DLGAP1: variants seen among roughly 807,000 people sequenced by gnomAD.
DLGAP1 encodes disks large-associated protein 1.
Under a neutral mutation model 90.8 loss-of-function variants are expected in DLGAP1, and 11 were observed. That is an observed-to-expected ratio of 0.12 (90% CI 0.08 to 0.20). The LOEUF is 0.20. DLGAP1 is among the 10% of genes least tolerant of loss of function. The pLI is 1.00. For synonymous variants in DLGAP1, 558 were observed against 540.7 expected (o/e 1.03, Z -0.44); for missense variants, 1,050 against 1,333.8 (o/e 0.79, Z 3.31).
intron 1 of DLGAP1, among the ~76,000 whole-genome samples, chr18:4,415,472 A>G (rs189163136): frequency 1.3e-5 from 2 of 152,312 alleles, no homozygotes; most frequent in African/African-American, 2.4e-5. Flanking sequence ...CTTGCATGCA[A>G]TGAATCAGGT....
At chr18:4,018,714 CAAAT>C (rs2074560905) in intron 2 of DLGAP1, among the ~76,000 whole-genome samples, 2 of 152,150 alleles carry the variant, frequency 1.3e-5, no homozygotes. Flanking sequence ...AGGCTGAAGA[CAAAT>C]ACAGAATTAT....
intron 1 of DLGAP1, among the ~76,000 whole-genome samples, chr18:4,174,610 G>A (rs1408228148): frequency 6.6e-6 from 1 of 152,128 alleles, no homozygotes; most frequent in East Asian, 1.9e-4. Flanking sequence ...TGGGATTACA[G>A]GCATGAGCCA....
chr18:4,268,091 T>C (rs1038018789), intron 1 of DLGAP1, among the ~76,000 whole-genome samples: 6 of 152,302 alleles, frequency 3.9e-5, no homozygotes, highest in Middle Eastern at 6.8e-3. Context: ...TTTGTTCAGT[T>C]TCTGACAGGA....
At chr18:4,192,125 T>C (rs1293795190) in intron 1 of DLGAP1, among the ~76,000 whole-genome samples, 1 of 152,102 alleles carries the variant, frequency 6.6e-6, no homozygotes, top group Non-Finnish European at 1.5e-5. Context: ...CTCCTGATCA[T>C]AAAAAACGCC....
At chr18:4,264,883 C>A (rs544529233) in intron 1 of DLGAP1, 1 of 152,102 alleles carries the variant, frequency 6.6e-6, no homozygotes, top group African/African-American at 2.4e-5. Context: ...AAACAGCCCT[C>A]GGCAAAACCA....
At chr18:4,043,524 CA>C (rs2075006052) in intron 2 of DLGAP1, among the ~76,000 whole-genome samples, 2 of 152,098 alleles carry the variant, frequency 1.3e-5, no homozygotes, top group Non-Finnish European at 2.9e-5. Context: ...AAAGGATGAT[CA>C]ATTTAGATGT....
At chr18:4,137,845 A>T (rs1446859013) in intron 2 of DLGAP1, among the ~76,000 whole-genome samples, 1 of 151,936 alleles carries the variant, frequency 6.6e-6, no homozygotes, top group Non-Finnish European at 1.5e-5. Context: ...CTAAAAATTC[A>T]TTGGTTATTT....
chr18:4,003,741 G>A (rs953153502), intron 3 of DLGAP1, among the ~76,000 whole-genome samples: 1 of 152,148 alleles, frequency 6.6e-6, no homozygotes, highest in Non-Finnish European at 1.5e-5. Flanking sequence ...GCAAGTGGAT[G>A]CTGGAAATGA....
At chr18:4,407,633 CTT>C (rs2082689950) in intron 1 of DLGAP1, among the ~76,000 whole-genome samples, 1 of 152,050 alleles carries the variant, frequency 6.6e-6, no homozygotes, top group African/African-American at 2.4e-5. Context: ...AATCCCAGCA[CTT>C]TGGGAGGCTG....
At chr18:3,577,253 C>T (rs550451788) in intron 8 of DLGAP1, among the ~76,000 whole-genome samples, 13 of 152,326 alleles carry the variant, frequency 8.5e-5, no homozygotes, top group Middle Eastern at 3.4e-3. Flanking sequence ...AGTCTGAGCA[C>T]GGGCTACCCC....
intron 3 of DLGAP1, among the ~76,000 whole-genome samples, chr18:3,914,842 T>C (rs191794846): frequency 5.6e-4 from 85 of 152,272 alleles, no homozygotes; most frequent in African/African-American, 5.1e-4. Context: ...CTCCACCTCC[T>C]GGACTCAAGC....
chr18:4,064,718 A>G (rs2075347784), intron 2 of DLGAP1, among the ~76,000 whole-genome samples: 1 of 152,096 alleles, frequency 6.6e-6, no homozygotes, highest in African/African-American at 2.4e-5. Context: ...CCAATAAAAA[A>G]AAGCCCAGGA....
At chr18:4,048,300 TA>T (rs1166110773) in intron 2 of DLGAP1, among the ~76,000 whole-genome samples, 3 of 152,202 alleles carry the variant, frequency 2.0e-5, no homozygotes, top group African/African-American at 7.2e-5. Flanking sequence ...GATGAAGAAT[TA>T]AAACACTAAT....
intron 7 of DLGAP1, among the ~76,000 whole-genome samples, chr18:3,675,015 C>T: frequency 6.6e-6 from 1 of 151,994 alleles, no homozygotes; most frequent in Non-Finnish European, 1.5e-5. Context: ...GAGTCCACCA[C>T]AATCATCACC....
At chr18:4,433,126 G>A (rs577529383) in intron 1 of DLGAP1, among the ~76,000 whole-genome samples, 2 of 152,232 alleles carry the variant, frequency 1.3e-5, no homozygotes, top group South Asian at 2.1e-4. Flanking sequence ...AAAGTGGCAC[G>A]TGGTATTACG....
At chr18:4,000,206 A>C (rs956175827) in intron 3 of DLGAP1, among the ~76,000 whole-genome samples, 1 of 140,380 alleles carries the variant, frequency 7.1e-6, no homozygotes, top group African/African-American at 2.7e-5. Context: ...AATATCTGTA[A>C]ATAATACCTT....
chr18:3,821,732 A>T (rs1720373951), intron 4 of DLGAP1, among the ~76,000 whole-genome samples: 1 of 152,176 alleles, frequency 6.6e-6, no homozygotes, highest in Non-Finnish European at 1.5e-5. Flanking sequence ...CACACCTTTA[A>T]GGGTGGCTTG....
chr18:4,281,234 G>A (rs1448316297), intron 1 of DLGAP1, among the ~76,000 whole-genome samples: 1 of 152,114 alleles, frequency 6.6e-6, no homozygotes, highest in African/African-American at 2.4e-5. Flanking sequence ...GTTGTATTTT[G>A]TTTGTTGTTT....
chr18:3,550,115 T>C (rs997828257), intron 9 of DLGAP1, among the ~76,000 whole-genome samples: 3 of 151,968 alleles, frequency 2.0e-5, no homozygotes, highest in African/African-American at 7.3e-5. Context: ...GGTTTCACCA[T>C]GTTGGCCAGG....
Sources: gnomAD v4.1 joint callset for allele counts (sites outside exome capture counted in the v4.1 genomes callset) on GRCh38, gnomAD v4.1.1 for gene constraint, MANE v1.5 for transcripts, NCBI Gene and HGNC (gene_info 2026-07-23, HGNC 2026-07-21) for gene names.